The following ITGA1 variants were observed in gnomAD, a reference collection of about 807,000 sequenced individuals.
ITGA1 encodes the protein integrin subunit alpha 1.
ITGA1 carries 85 observed loss-of-function variants against 145.9 expected under a neutral mutation model. That is an observed-to-expected ratio of 0.58 (90% CI 0.49 to 0.70). The LOEUF is 0.70. Among genes scored for constraint, ITGA1 ranks in the 30% least tolerant of loss-of-function variants. The probability of loss-of-function intolerance (pLI) is 0.00; values close to 1 mark genes in which losing one functional copy is unlikely to be tolerated. For synonymous variants in ITGA1, 520 were observed against 495.3 expected (o/e 1.05, Z -0.66); for missense variants, 1,351 against 1,418.7 (o/e 0.95, Z 0.77).
Position 52,849,277 on chromosome 5 carries a change from T to C in ITGA1, c.62-88T>C, listed in dbSNP as rs1233198542. 7 of 1,137,370 alleles carry C rather than the reference T, an allele frequency of 6.2e-6. No homozygotes were observed. The South Asian group carries it at 6.7e-5, about 11-fold the overall frequency. The allele number at this position is 1,137,370 out of a possible 1,614,324, so 70.5% of individuals were successfully genotyped here. On this transcript the variant is annotated intron_variant, in intron 1 of 28. Transcript: ENST00000282588. ...TTTTTTTAATAGAAACAGCTTTCGA[T>C]GGTAACCTTAACCATGCCTTCCATA... is the stretch of plus-strand genomic sequence containing the variant.
intron 6 of ITGA1, among the ~76,000 whole-genome samples, chr5:52,875,718 C>T (rs1379394248): frequency 6.6e-6 from 1 of 152,158 alleles, no homozygotes; most frequent in Non-Finnish European, 1.5e-5. Flanking sequence ...AACCCGGTTG[C>T]ACCTTTTTAG....
intron 26 of ITGA1, among the ~76,000 whole-genome samples, chr5:52,944,426 A>C (rs1751099836): frequency 6.6e-6 from 1 of 152,116 alleles, no homozygotes; most frequent in South Asian, 2.1e-4. Context: ...CAGCCTCAGC[A>C]TCTGTGTTGC....
At chr5:52,922,532 C>T (rs1004723632) in intron 17 of ITGA1, among the ~76,000 whole-genome samples, 2 of 152,080 alleles carry the variant, frequency 1.3e-5, no homozygotes, top group Non-Finnish European at 2.9e-5. Context: ...TCCAGCAGGG[C>T]CCTCTGAGGA....
chr5:52,927,690 T>C (rs1164889253), intron 20 of ITGA1, 26 bp downstream of exon 20: 1 of 1,401,540 alleles, frequency 7.1e-7, no homozygotes, highest in Non-Finnish European at 1.0e-6. Context: ...AAAATACATG[T>C]AGAAATTGAA....
chr5:52,820,338 A>T lies in ITGA1; in HGVS notation c.62-29027A>T, dbSNP rs1405858295. Among the ~76,000 whole-genome samples, 3 of 118,056 alleles carry T rather than the reference A, an allele frequency of 2.5e-5. No individual in the cohort carries two copies. The Admixed American group carries it at 3.2e-4, about 13-fold the overall frequency. 77.4% of individuals were successfully genotyped at this position (118,056 alleles called of 152,430 possible). On this transcript the variant is annotated intron_variant, in intron 1 of 28. Coordinates refer to ENST00000282588, the MANE Select transcript of ITGA1 (RefSeq NM_181501.2). ...AATTAAACAATGAGAACACTTGGAC[A>T]CAGGAAGGGGAACATCACACATCAG... is the stretch of plus-strand genomic sequence containing the variant.
At chr5:52,891,307 T>A (rs1449245502) in intron 8 of ITGA1, among the ~76,000 whole-genome samples, 3 of 143,842 alleles carry the variant, frequency 2.1e-5, no homozygotes, top group Non-Finnish European at 4.6e-5. Flanking sequence ...TAGTAACCAC[T>A]GATGTGACAT....
intron 1 of ITGA1, among the ~76,000 whole-genome samples, chr5:52,842,239 C>G (rs1034906336): frequency 1.3e-5 from 2 of 152,146 alleles, no homozygotes; most frequent in African/African-American, 2.4e-5. Context: ...AGGACTCTAA[C>G]TGAATGGAAT....
At position 52,788,237 on chromosome 5, in the gene ITGA1, G is replaced by T; in HGVS notation, c.-117G>T. On this transcript the variant is annotated 5_prime_UTR_variant, in exon 1 of 29. Transcript: ENST00000282588. ...GCTCCTGGGCGCCGCTGCCACTGGG[G>T]CAGAGGACTGGGAACCGCGGCAGCG... The T allele has an allele frequency of 1.4e-6, 1 of 726,194 alleles. No individual in the cohort carries two copies. Among genetic ancestry groups the T allele is most frequent in the Non-Finnish European group, 2.1e-6 (1 of 485,776 alleles). The allele number at this position is 726,194 out of a possible 1,614,324, so 45.0% of individuals were successfully genotyped here. A position where few individuals can be genotyped will look rare whatever the true frequency, so the allele number is the denominator to read the frequency against.
At chr5:52,875,250 A>C (rs1287873188) in intron 6 of ITGA1, among the ~76,000 whole-genome samples, 1 of 152,098 alleles carries the variant, frequency 6.6e-6, no homozygotes, top group Non-Finnish European at 1.5e-5. Flanking sequence ...TTTTAAATCA[A>C]ACTTAGTAAC....
intron 11 of ITGA1, chr5:52,903,265 CCTT>C (rs1750345517): frequency 6.6e-6 from 1 of 151,998 alleles, no homozygotes; most frequent in Non-Finnish European, 1.5e-5. Context: ...CATTCTACTC[CCTT>C]CTTTATATTT....
At chr5:52,823,534 C>T (rs1289166509) in intron 1 of ITGA1, among the ~76,000 whole-genome samples, 2 of 152,136 alleles carry the variant, frequency 1.3e-5, no homozygotes, top group African/African-American at 4.8e-5. Context: ...ATGATTATGT[C>T]CAATAAGTCC....
Position 52,939,881 on chromosome 5 carries a change from C to G in ITGA1, c.3222C>G (p.Leu1074=). ...TCKFATITCN[L]TSSDISQVNV... ...AATTTGCTACCATCACATGTAATCT[C>G]ACTTCTTCTGACATCAGCCAAGTCA... Residue 1074 remains leucine (L), a synonymous_variant, in exon 26 of 29, where the codon CTC becomes CTG. Coordinates refer to ENST00000282588, the MANE Select transcript of ITGA1 (RefSeq NM_181501.2). 2 of 1,613,664 alleles carry G rather than the reference C, an allele frequency of 1.2e-6. No individual in the cohort carries two copies. The highest frequency in any genetic ancestry group is 8.5e-7 in the Non-Finnish European group (1 of 1,179,618).
At chr5:52,796,260 C>T (rs934547074) in intron 1 of ITGA1, among the ~76,000 whole-genome samples, 3 of 151,812 alleles carry the variant, frequency 2.0e-5, no homozygotes, top group Admixed American at 2.0e-4. Flanking sequence ...CTTCTTGAGA[C>T]ACTGGAAGTG....
chr5:52,858,362 G>A (rs908514411), intron 2 of ITGA1, among the ~76,000 whole-genome samples: 1 of 152,200 alleles, frequency 6.6e-6, no homozygotes, highest in Admixed American at 6.5e-5. Context: ...TATCAAAGGA[G>A]TGGTATTCTT....
At chr5:52,796,277 G>A (rs1561210049) in intron 1 of ITGA1, among the ~76,000 whole-genome samples, 1 of 151,732 alleles carries the variant, frequency 6.6e-6, no homozygotes. Context: ...AGTGTCTCAA[G>A]AGCAACAAAT....
intron 9 of ITGA1, among the ~76,000 whole-genome samples, chr5:52,896,604 T>C (rs1480672383): frequency 1.3e-5 from 2 of 152,178 alleles, no homozygotes; most frequent in African/African-American, 4.8e-5. Context: ...ACTGACTTTC[T>C]TAAGTGCTAT....
chr5:52,911,102 G>A (rs530856603), intron 14 of ITGA1, among the ~76,000 whole-genome samples: 2 of 129,188 alleles, frequency 1.5e-5, no homozygotes, highest in African/African-American at 5.9e-5. Context: ...TATATATAGT[G>A]TATATATAGT....
At chr5:52,893,953 G>A in intron 9 of ITGA1, 113 bp downstream of exon 9, 14 of 705,180 alleles carry the variant, frequency 2.0e-5, no homozygotes, top group Non-Finnish European at 2.3e-5. Context: ...TTTTTTTACT[G>A]TGTACAATAT....
rs13358763 is a variant in ITGA1, at chr5:52,836,261, C to T, written c.62-13104C>T. On this transcript the variant is annotated intron_variant, in intron 1 of 28. Coordinates refer to ENST00000282588, the MANE Select transcript of ITGA1 (RefSeq NM_181501.2). ...AGTTCCATGGTGAGGATTATTTGCA[C>T]ATCTCTGAAGAGGCAATGGTCCATC... is the stretch of plus-strand genomic sequence containing the variant. Among the ~76,000 whole-genome samples the T allele has an allele frequency of 3.1e-3, 467 of 152,212 alleles. 5 individuals are homozygous for T. Among genetic ancestry groups the T allele is most frequent in the African/African-American group, 0.011 (456 of 41,526 alleles).
Sources: gnomAD v4.1 joint callset for allele counts (sites outside exome capture counted in the v4.1 genomes callset) on GRCh38, gnomAD v4.1.1 for gene constraint, MANE v1.5 for transcripts, NCBI Gene and HGNC (gene_info 2026-07-23, HGNC 2026-07-21) for gene names.